APLF: variants seen among roughly 807,000 people sequenced by gnomAD.
The protein encoded by APLF is aprataxin and PNK-like factor.
Under a neutral mutation model 55.6 loss-of-function variants are expected in APLF, and 61 were observed. The ratio of observed to expected loss-of-function variants is 1.10; its 90% confidence interval spans 0.89 to 1.36. The LOEUF is 1.36. Ranked by LOEUF, APLF falls within the 40% of genes most tolerant of loss-of-function variation. The pLI is 0.00. For synonymous variants in APLF, 207 were observed against 214.8 expected (o/e 0.96, Z 0.32); for missense variants, 611 against 602.5 (o/e 1.01, Z -0.15).
intron 8 of APLF, chr2:68,563,073 G>A (rs779914191): frequency 6.9e-5 from 68 of 984,940 alleles, no homozygotes; most frequent in Non-Finnish European, 7.7e-5. Context: ...AAGTTTTATC[G>A]ATATTATTTC....
intron 7 of APLF, among the ~76,000 whole-genome samples, chr2:68,542,347 TAAC>T (rs1381619250): frequency 1.3e-5 from 2 of 149,726 alleles, no homozygotes; most frequent in Non-Finnish European, 2.9e-5. Context: ...AGAACAAAAT[TAAC>T]ACAGAGTGAA....
chr2:68,548,481 G>C (rs1294945007), intron 8 of APLF, among the ~76,000 whole-genome samples: 1 of 151,810 alleles, frequency 6.6e-6, no homozygotes, highest in Non-Finnish European at 1.5e-5. Flanking sequence ...AATACTCAGT[G>C]TCATTAGTAA....
In APLF at chr2:68,556,392, C is replaced by G. The variant is rs1200475328; in HGVS notation, c.1287-10949C>G. Among the ~76,000 whole-genome samples, 3 of 152,158 alleles carry G rather than the reference C, an allele frequency of 2.0e-5. No individual in the cohort carries two copies. In the East Asian group the frequency reaches 5.8e-4, roughly 29 times the overall value. On this transcript the variant is annotated intron_variant, in intron 8 of 9. Coordinates refer to ENST00000303795, the MANE Select transcript of APLF (RefSeq NM_173545.3). ...TAAAAAAAGGTATCTTGCCTGTCAA[C>G]TAATTTATTCTTTTTGTGCTGTCCA...
chr2:68,515,393 C>A (rs1669551861), intron 5 of APLF, among the ~76,000 whole-genome samples: 1 of 151,622 alleles, frequency 6.6e-6, no homozygotes, highest in Admixed American at 6.6e-5. Flanking sequence ...CAGACACTTT[C>A]CCTCAGTAGA....
In APLF at chr2:68,556,739, A is replaced by T. The variant is rs184201493; in HGVS notation, c.1287-10602A>T. 2.8e-3 allele frequency among the ~76,000 whole-genome samples: 425 copies of T among 152,294 alleles called. 1 individual carries two copies. Among genetic ancestry groups the T allele is most frequent in the Non-Finnish European group, 4.6e-3 (313 of 68,024 alleles). ...AGGCTACCATGTGTCATGCAGATGA[A>T]AATGTTGGTGTCTTGATGTCTTTCA... On this transcript the variant is annotated intron_variant, in intron 8 of 9. Coordinates refer to ENST00000303795, the MANE Select transcript of APLF (RefSeq NM_173545.3).
chr2:68,563,818 C>T (rs1030455630), intron 8 of APLF, among the ~76,000 whole-genome samples: 15 of 151,808 alleles, frequency 9.9e-5, no homozygotes, highest in Non-Finnish European at 2.1e-4. Flanking sequence ...GCTTGGTACC[C>T]GAAGCAAACA....
At chr2:68,501,371 T>C (rs143601513) in intron 2 of APLF, among the ~76,000 whole-genome samples, 3 of 151,636 alleles carry the variant, frequency 2.0e-5, no homozygotes, top group Non-Finnish European at 2.9e-5. Flanking sequence ...TTTAAACTGA[T>C]GAAATAGATA....
chr2:68,567,949 T>G (rs79963161), intron 9 of APLF, among the ~76,000 whole-genome samples: 3,847 of 152,196 alleles, frequency 0.025, 62 homozygotes, highest in South Asian at 0.042. Flanking sequence ...TTTTTATTAC[T>G]GGATTAGATC....
chr2:68,467,749 G>T lies in APLF; in HGVS notation c.18G>T (p.Glu6Asp). MSGGF[E>D]LQPRDGGPRV... ...TGCCCGCCATGTCCGGGGGCTTCGA[G>T]CTGCAGCCGCGGGACGGCGGTCCCC... Residue 6 changes from glutamate (E) to aspartate (D), a missense_variant, in exon 1 of 10, where the codon GAG (glutamate) becomes GAT (aspartate). Transcript: ENST00000303795. The T allele has an allele frequency of 8.1e-7, 1 of 1,234,938 alleles. No individual in the cohort carries two copies. Among genetic ancestry groups the T allele is most frequent in the Non-Finnish European group, 1.0e-6 (1 of 988,040 alleles). 76.5% of individuals were successfully genotyped at this position (1,234,938 alleles called of 1,614,324 possible).
At chr2:68,493,734 C>T (rs1676441718) in intron 2 of APLF, among the ~76,000 whole-genome samples, 1 of 152,112 alleles carries the variant, frequency 6.6e-6, no homozygotes, top group Non-Finnish European at 1.5e-5. Context: ...GAGGTGAAGG[C>T]GGGCAGATCA....
Position 68,578,223 on chromosome 2 carries a change from TCTTTCCTA to T in APLF, c.*205_*212del. The stretch of plus-strand genomic sequence containing the variant: ...TGGAATTTTTTGTTGCCTTGCCTTT[TCTTTCCTA>T]CTTAAAGCATCTGGAAATAGGAAGA... On this transcript the variant is annotated 3_prime_UTR_variant, in exon 10 of 10. Transcript: ENST00000303795. The T allele has an allele frequency of 7.6e-7, 1 of 1,315,808 alleles. No homozygotes were observed. Among genetic ancestry groups the T allele is most frequent in the Admixed American group, 3.5e-5 (1 of 28,726 alleles). The allele number at this position is 1,315,808 out of a possible 1,614,324, so 81.5% of individuals were successfully genotyped here.
At position 68,531,872 on chromosome 2, in the gene APLF, A is replaced by G. The variant is rs143022394; in HGVS notation, c.804+5630A>G. Among the ~76,000 whole-genome samples the G allele has an allele frequency of 6.7e-3, 1,020 of 152,308 alleles. 15 individuals carry two copies. The highest frequency in any genetic ancestry group is 0.01 in the Non-Finnish European group (698 of 68,010). On this transcript the variant is annotated intron_variant, in intron 6 of 9. Transcript: ENST00000303795. ...GGAGCAGATCCAAGATATTCAAGCT[A>G]TTTGTGAGGTTTTGATGACATCAAG... is the stretch of plus-strand genomic sequence containing the variant.
chr2:68,545,456 A>G, intron 8 of APLF, 144 bp downstream of exon 8: 10 of 1,046,310 alleles, frequency 9.6e-6, no homozygotes, highest in African/African-American at 1.6e-5. Context: ...CATGTTGGTA[A>G]TAGGTAGGAT....
chr2:68,484,121 A>G (rs1676054548), intron 1 of APLF, among the ~76,000 whole-genome samples: 1 of 152,106 alleles, frequency 6.6e-6, no homozygotes, highest in African/African-American at 2.4e-5. Flanking sequence ...ACATAAGAAA[A>G]TCTCCATTTT....
intron 8 of APLF, among the ~76,000 whole-genome samples, chr2:68,559,175 G>A (rs1365733634): frequency 6.6e-6 from 1 of 152,116 alleles, no homozygotes; most frequent in Admixed American, 6.6e-5. Flanking sequence ...AAAATACAGA[G>A]GTGGATTGCT....
chr2:68,496,447 T>C (rs2103920485), intron 2 of APLF, among the ~76,000 whole-genome samples: 1 of 152,310 alleles, frequency 6.6e-6, no homozygotes, highest in East Asian at 1.9e-4. Flanking sequence ...TAGCAAGTGG[T>C]TGCTTCACAG....
intron 3 of APLF, among the ~76,000 whole-genome samples, chr2:68,505,978 C>A (rs964296124): frequency 6.6e-5 from 10 of 151,948 alleles, no homozygotes; most frequent in African/African-American, 2.4e-4. Flanking sequence ...TAGAGGCTTT[C>A]CAAAAGTCAC....
rs142981793 is a variant in APLF, at chr2:68,470,255, G to A, written c.96+2428G>A. On this transcript the variant is annotated intron_variant, in intron 1 of 9. Transcript: ENST00000303795. ...ATTTATATAACATCATTGAAATTGC[G>A]AAATTGCAAAATTTCAAAAATGGAG... 3.7e-4 allele frequency among the ~76,000 whole-genome samples: 56 copies of A among 152,250 alleles called. 1 individual carries two copies. The highest frequency in any genetic ancestry group is 3.7e-3 in the East Asian group (19 of 5,190).
At chr2:68,473,887 C>A (rs1675693380) in intron 1 of APLF, among the ~76,000 whole-genome samples, 1 of 152,188 alleles carries the variant, frequency 6.6e-6, no homozygotes, top group South Asian at 2.1e-4. Flanking sequence ...AATTCTGACA[C>A]CATCTATCTG....
Sources: gnomAD v4.1 joint callset for allele counts (sites outside exome capture counted in the v4.1 genomes callset) on GRCh38, gnomAD v4.1.1 for gene constraint, MANE v1.5 for transcripts, NCBI Gene and HGNC (gene_info 2026-07-23, HGNC 2026-07-21) for gene names.